The following MUC15 variants were observed in gnomAD, a reference collection of about 807,000 sequenced individuals.
The protein encoded by MUC15 is mucin 15, cell surface associated.
Under a neutral mutation model 24.0 loss-of-function variants are expected in MUC15, and 23 were observed. The ratio of observed to expected loss-of-function variants is 0.96; its 90% CI spans 0.69 to 1.36. The LOEUF is 1.36. Ranked by LOEUF, MUC15 falls within the 40% of genes most tolerant of loss-of-function variation. The pLI, the probability that MUC15 is intolerant of heterozygous loss-of-function variation, is 0.00. For synonymous variants in MUC15, 151 were observed against 156.3 expected (o/e 0.97, Z 0.25); for missense variants, 442 against 428.2 (o/e 1.03, Z -0.29).
In MUC15 at chr11:26,559,115, T is replaced by G. The variant is rs183151678; in HGVS notation, c.*1950A>C. 6.6e-6 allele frequency: 1 copy of G among 152,388 alleles called. No individual in the cohort carries two copies. 9.4% of individuals were successfully genotyped at this position (152,388 alleles called of 1,614,324 possible). The stretch of plus-strand genomic sequence containing the variant: ...TAACATTATAAAACTATGCATCCTT[T>G]ATGAAGTTTCAGTTGATATCTGATT... On this transcript the variant is annotated 3_prime_UTR_variant, in exon 5 of 5. Transcript: ENST00000529533.
intron 1 of MUC15, among the ~76,000 whole-genome samples, chr11:26,567,845 T>G (rs1055240689): frequency 6.6e-6 from 1 of 151,992 alleles, no homozygotes; most frequent in Non-Finnish European, 1.5e-5. Flanking sequence ...TAGAGCTGTA[T>G]GCAACGACAT....
intron 3 of MUC15, 128 bp from the exon 4 acceptor site, chr11:26,563,393 C>CTGTGTGTG (rs764671965): frequency 0.014 from 11,645 of 823,446 alleles, 298 homozygotes; most frequent in South Asian, 0.018. Context: ...GTGTTTCTCT[C>CTGTGTGTG]TCTGTGTGTG....
intron 1 of MUC15, among the ~76,000 whole-genome samples, chr11:26,569,502 A>G (rs1052591670): frequency 3.3e-5 from 5 of 152,030 alleles, no homozygotes; most frequent in African/African-American, 1.2e-4. Flanking sequence ...AAAGTCGTAG[A>G]AGCAGCCAGG....
Position 26,565,345 on chromosome 11 carries a change from A to T in MUC15, c.595T>A (p.Ser199Thr). The T allele has an allele frequency of 1.2e-6, 2 of 1,612,442 alleles. No individual in the cohort carries two copies. Among genetic ancestry groups the T allele is most frequent in the Non-Finnish European group, 1.7e-6 (2 of 1,179,086 alleles). Residue 199 changes from serine to threonine, a missense_variant, in exon 3 of 5, where the codon TCT becomes ACT. Physicochemically the swap from Ser to Thr is moderately conservative, Grantham distance 58. Transcript: ENST00000529533. ...ACAGATGGAGAAGTTGGTTCTGAAGAGAGGATGCTAACTGTAATGGAACTG... is the reference window on the plus strand; with the variant it reads ...ACAGATGGAGAAGTTGGTTCTGAAGTGAGGATGCTAACTGTAATGGAACTG... ...DNSSITVSIL[S>T]SEPTSPSVTP...
rs766073557 is a variant in MUC15 at position 26,565,623 on chromosome 11, T to G, written c.317A>C (p.Asn106Thr). The G allele has an allele frequency of 1.2e-6, 2 of 1,612,500 alleles. No homozygotes were observed. Among genetic ancestry groups the G allele is most frequent in the South Asian group, 2.2e-5 (2 of 91,048 alleles). ...ASHSPPLNLP[N>T]NSHGITDFSS... is the part of the protein sequence containing the mutation. Reference sequence around the variant, plus strand: ...GAAATCTGTTATTCCGTGGCTGTTGTTGGGTAGATTCAAAGGAGGGGAATG... The same window carrying G: ...GAAATCTGTTATTCCGTGGCTGTTGGTGGGTAGATTCAAAGGAGGGGAATG... Residue 106 changes from asparagine to threonine, a missense_variant, in exon 3 of 5, where the codon AAC becomes ACC. Transcript: ENST00000529533.
chr11:26,568,579 GACCC>G (rs1435302639), intron 1 of MUC15, among the ~76,000 whole-genome samples: 1 of 151,464 alleles, frequency 6.6e-6, no homozygotes, highest in Non-Finnish European at 1.5e-5. Flanking sequence ...ATCTTCAAAG[GACCC>G]ATTAAATACA....
intron 4 of MUC15, among the ~76,000 whole-genome samples, chr11:26,561,653 C>T (rs1850298336): frequency 6.6e-6 from 1 of 151,904 alleles, no homozygotes; most frequent in Admixed American, 6.6e-5. Flanking sequence ...TACCAAATAT[C>T]ACAGTATCTT....
At chr11:26,564,568 C>T (rs916170115) in intron 3 of MUC15, among the ~76,000 whole-genome samples, 11 of 148,066 alleles carry the variant, frequency 7.4e-5, no homozygotes, top group African/African-American at 2.7e-4. Context: ...AAAAGATTGA[C>T]ATAATCCTTA....
chr11:26,569,007 T>G (rs1435219814), intron 1 of MUC15, among the ~76,000 whole-genome samples: 1 of 151,980 alleles, frequency 6.6e-6, no homozygotes, highest in Non-Finnish European at 1.5e-5. Flanking sequence ...TGGTCACCAG[T>G]GGGGGGAAAA....
At chr11:26,561,454 C>G (rs576077551) in intron 4 of MUC15, among the ~76,000 whole-genome samples, 73 of 151,842 alleles carry the variant, frequency 4.8e-4, no homozygotes, top group African/African-American at 1.6e-3. Context: ...TTGATGGACT[C>G]AAAGTAAAGG....
chr11:26,569,613 C>T (rs1850740022), intron 1 of MUC15, among the ~76,000 whole-genome samples: 2 of 152,026 alleles, frequency 1.3e-5, no homozygotes, highest in African/African-American at 4.8e-5. Flanking sequence ...CTGAACAAAG[C>T]ACATTGCAAG....
At position 26,563,285 on chromosome 11, in the gene MUC15, T is replaced by G. The variant is rs753069403; in HGVS notation, c.776-20A>C. The G allele has an allele frequency of 6.4e-7, 1 of 1,568,042 alleles. No homozygotes were observed. Among genetic ancestry groups the G allele is most frequent in the Non-Finnish European group, 8.6e-7 (1 of 1,161,998 alleles). On this transcript the variant is annotated intron_variant, in intron 3 of 4. Coordinates refer to ENST00000529533, the MANE Select transcript of MUC15 (RefSeq NM_001135091.2). ...TATTTTCTACAGGACAAAAAAAATT[T>G]AAAGAAATATAAAATAATTATTCAA...
In MUC15 at chr11:26,567,055, A is replaced by T. The variant is rs377215628; in HGVS notation, c.40T>A (p.Cys14Ser). 9.3e-6 allele frequency: 14 copies of T among 1,509,026 alleles called. No individual in the cohort carries two copies. In the East Asian group the frequency reaches 1.0e-4, roughly 11 times the overall value. 93.5% of individuals were successfully genotyped at this position (1,509,026 alleles called of 1,614,324 possible). ...TATCATCTTATTTGATACTTACAAC[A>T]ATCCCTTGATGTGGCAAGAATAGAT... is the stretch of plus-strand genomic sequence containing the variant. ...IQSILATSRDCYSFKKKPIPK... is the reference protein window; with the variant it reads ...IQSILATSRDSYSFKKKPIPK... The change falls in exon 2 of 5, where the codon TGT (cysteine) becomes AGT (serine). Residue 14 changes from cysteine to serine, a missense_variant. Cys to Ser is a moderately radical substitution (Grantham distance 112). Coordinates refer to ENST00000529533, the MANE Select transcript of MUC15 (RefSeq NM_001135091.2).
chr11:26,569,943 C>CT (rs991362010), intron 1 of MUC15, among the ~76,000 whole-genome samples: 3 of 151,774 alleles, frequency 2.0e-5, no homozygotes, highest in African/African-American at 7.3e-5. Context: ...ATCTTTGCCT[C>CT]TTTTTGCATC....
At chr11:26,561,566 C>A (rs1003671875) in intron 4 of MUC15, among the ~76,000 whole-genome samples, 2 of 151,234 alleles carry the variant, frequency 1.3e-5, no homozygotes, top group African/African-American at 4.8e-5. Flanking sequence ...GCCTTGTCAA[C>A]ATGTTCAGAA....
rs574186881 is a variant in MUC15, at chr11:26,566,445, C to A, written c.44-549G>T. Among the ~76,000 whole-genome samples, 8 of 151,906 alleles carry A rather than the reference C, an allele frequency of 5.3e-5. No homozygotes were observed. In the South Asian group the frequency reaches 1.0e-3, roughly 20 times the overall value. On this transcript the variant is annotated intron_variant, in intron 2 of 4. Transcript: ENST00000529533. Reference sequence around the variant, plus strand: ...AGTCAGTCAGGAATACCCTTGAATACATTTTATTAGTATCTAGTTTGAATT... The same window carrying A: ...AGTCAGTCAGGAATACCCTTGAATAAATTTTATTAGTATCTAGTTTGAATT...
intron 1 of MUC15, among the ~76,000 whole-genome samples, chr11:26,570,470 A>T (rs1334982259): frequency 6.6e-6 from 1 of 152,142 alleles, no homozygotes; most frequent in African/African-American, 2.4e-5. Flanking sequence ...GGAAATAAGG[A>T]GATGTCCTGG....
intron 1 of MUC15, among the ~76,000 whole-genome samples, chr11:26,568,603 C>CT (rs1850692750): frequency 6.6e-6 from 1 of 151,860 alleles, no homozygotes; most frequent in Non-Finnish European, 1.5e-5. Flanking sequence ...ACTAAATATG[C>CT]TTTTGCTGTA....
chr11:26,567,561 A>G (rs1850640639), intron 1 of MUC15, among the ~76,000 whole-genome samples: 2 of 152,134 alleles, frequency 1.3e-5, no homozygotes, highest in South Asian at 4.1e-4. Flanking sequence ...AAATATATCT[A>G]TAATATATGT....
Sources: gnomAD v4.1 joint callset for allele counts (sites outside exome capture counted in the v4.1 genomes callset) on GRCh38, gnomAD v4.1.1 for gene constraint, MANE v1.5 for transcripts, NCBI Gene and HGNC (gene_info 2026-07-23, HGNC 2026-07-21) for gene names.